Variants in KCNH5 observed in about 807,000 individuals in gnomAD.
KCNH5 encodes the protein voltage-gated delayed rectifier potassium channel KCNH5.
Under a neutral mutation model 96.1 loss-of-function variants are expected in KCNH5, and 46 were observed. That is an observed-to-expected ratio of 0.48 (90% confidence interval 0.38 to 0.61). The LOEUF is 0.61. KCNH5 is among the 20% of genes least tolerant of loss of function. The probability of loss-of-function intolerance (pLI) is 0.00; values close to 1 mark genes in which losing one functional copy is unlikely to be tolerated. For missense variants in KCNH5, 907 were observed against 1,225.8 expected (o/e 0.74, Z 3.88); for synonymous variants, 439 against 449.8 (o/e 0.98, Z 0.30).
intron 9 of KCNH5, among the ~76,000 whole-genome samples, chr14:62,801,530 G>A (rs1387416200): frequency 3.2e-5 from 4 of 123,692 alleles, no homozygotes; most frequent in South Asian, 2.5e-4. Context: ...TTTGCCAAGC[G>A]TATATCCTAC....
rs757981683 is a variant in KCNH5 at position 62,994,557 on chromosome 14, G to A, written c.433+6774C>T. ...CTCAATACCAGGAACAAAAAATAAC[G>A]GGAACACTTTGCCCCCTTAAATTAT... On this transcript the variant is annotated intron_variant, in intron 4 of 10. Transcript: ENST00000322893. 8.6e-5 allele frequency among the ~76,000 whole-genome samples: 13 copies of A among 151,950 alleles called. 1 individual carries two copies. Among genetic ancestry groups the A allele is most frequent in the Non-Finnish European group, 1.5e-4 (10 of 67,930 alleles).
intron 7 of KCNH5, among the ~76,000 whole-genome samples, chr14:62,875,353 T>C (rs1235485963): frequency 6.6e-6 from 1 of 152,096 alleles, no homozygotes; most frequent in African/African-American, 2.4e-5. Flanking sequence ...TTAAAGTTCA[T>C]ATGGAACCAA....
At chr14:63,044,144 A>G (rs1210551533) in intron 1 of KCNH5, among the ~76,000 whole-genome samples, 1 of 152,216 alleles carries the variant, frequency 6.6e-6, no homozygotes, top group East Asian at 1.9e-4. Context: ...TCAAAATAAC[A>G]GCCTCTGAAG....
chr14:62,818,860 T>C (rs192084530), intron 8 of KCNH5, among the ~76,000 whole-genome samples: 1 of 152,284 alleles, frequency 6.6e-6, no homozygotes, highest in East Asian at 1.9e-4. Context: ...TGAAGATCCA[T>C]GTCAAAATAA....
chr14:62,754,057 A>G (rs1166106755), intron 10 of KCNH5, among the ~76,000 whole-genome samples: 1 of 152,216 alleles, frequency 6.6e-6, no homozygotes, highest in Non-Finnish European at 1.5e-5. Flanking sequence ...TAGACAGTAC[A>G]ATAATATATA....
At chr14:62,736,120 G>C (rs1359152182) in intron 10 of KCNH5, among the ~76,000 whole-genome samples, 3 of 152,116 alleles carry the variant, frequency 2.0e-5, no homozygotes, top group Non-Finnish European at 2.9e-5. Context: ...GCTAACTCAT[G>C]CAATTCCCAA....
At chr14:62,842,237 A>T (rs571417783) in intron 8 of KCNH5, among the ~76,000 whole-genome samples, 23 of 152,262 alleles carry the variant, frequency 1.5e-4, no homozygotes, top group Non-Finnish European at 2.6e-4. Context: ...AATTACTATT[A>T]TAAAAAGTAT....
intron 9 of KCNH5, among the ~76,000 whole-genome samples, chr14:62,798,532 G>C (rs1242071096): frequency 2.0e-5 from 3 of 152,158 alleles, no homozygotes; most frequent in Non-Finnish European, 4.4e-5. Context: ...ACTTAATTTG[G>C]AATTCTTTGT....
chr14:62,925,764 T>C (rs530040628), intron 7 of KCNH5, among the ~76,000 whole-genome samples: 4 of 152,146 alleles, frequency 2.6e-5, no homozygotes, highest in East Asian at 3.9e-4. Context: ...GTAGACATAA[T>C]TGTGTACTCT....
At chr14:62,849,513 CTGAT>C (rs1322504651) in intron 8 of KCNH5, 136 bp downstream of exon 8, 3 of 655,316 alleles carry the variant, frequency 4.6e-6, no homozygotes, top group East Asian at 2.7e-5. Flanking sequence ...ATAAATATGA[CTGAT>C]TGACTGATAT....
intron 4 of KCNH5, among the ~76,000 whole-genome samples, chr14:62,998,168 G>A (rs1890945424): frequency 6.6e-6 from 1 of 152,106 alleles, no homozygotes; most frequent in African/African-American, 2.4e-5. Flanking sequence ...AATAAATAAA[G>A]CACAAATGAA....
At chr14:62,973,238 T>A (rs1386356849) in intron 6 of KCNH5, among the ~76,000 whole-genome samples, 7 of 152,198 alleles carry the variant, frequency 4.6e-5, no homozygotes, top group Non-Finnish European at 8.8e-5. Context: ...TAAAAGCAGA[T>A]TGCTTAGGAC....
At chr14:62,754,081 A>G (rs1020271782) in intron 10 of KCNH5, among the ~76,000 whole-genome samples, 3 of 152,184 alleles carry the variant, frequency 2.0e-5, no homozygotes, top group African/African-American at 7.2e-5. Flanking sequence ...TAGAAACAAC[A>G]AAAAGTTAAA....
chr14:62,947,092 A>C (rs538423835), intron 7 of KCNH5, among the ~76,000 whole-genome samples: 1 of 152,210 alleles, frequency 6.6e-6, no homozygotes, highest in Non-Finnish European at 1.5e-5. Flanking sequence ...TAGTTATATA[A>C]GATGTAATTA....
intron 2 of KCNH5, among the ~76,000 whole-genome samples, chr14:63,008,525 T>C (rs1306646601): frequency 6.6e-6 from 1 of 151,512 alleles, no homozygotes; most frequent in Admixed American, 6.6e-5. Context: ...TTCTAGAAAG[T>C]CAGAAATGAA....
intron 9 of KCNH5, among the ~76,000 whole-genome samples, chr14:62,793,787 AT>A (rs1367621217): frequency 5.9e-5 from 9 of 151,956 alleles, no homozygotes; most frequent in Non-Finnish European, 1.2e-4. Flanking sequence ...GAAGTCTTTA[AT>A]TTTGTGAGTA....
At chr14:62,839,689 A>G (rs1314102920) in intron 8 of KCNH5, among the ~76,000 whole-genome samples, 3 of 152,168 alleles carry the variant, frequency 2.0e-5, no homozygotes, top group Non-Finnish European at 4.4e-5. Context: ...GAACACACAG[A>G]CCATTTAATA....
intron 7 of KCNH5, among the ~76,000 whole-genome samples, chr14:62,893,672 C>T (rs1888754903): frequency 1.3e-5 from 2 of 152,124 alleles, no homozygotes; most frequent in Admixed American, 1.3e-4. Context: ...AAGAGAATTG[C>T]TTGAACTTGG....
chr14:62,863,571 T>A (rs191572758), intron 7 of KCNH5, among the ~76,000 whole-genome samples: 87 of 152,302 alleles, frequency 5.7e-4, no homozygotes, highest in African/African-American at 2.0e-3. Flanking sequence ...CAAGAAGAGA[T>A]GCCTCTACCA....
Sources: allele counts gnomAD v4.1 joint callset (sites outside exome capture counted in the v4.1 genomes callset), GRCh38; gene constraint gnomAD v4.1.1; transcripts MANE v1.5; gene names NCBI Gene and HGNC (gene_info 2026-07-23, HGNC 2026-07-21).